LRBA: variants seen among roughly 807,000 people sequenced by gnomAD.
The protein encoded by LRBA is LPS responsive beige-like anchor protein.
LRBA carries 176 observed loss-of-function variants against 330.0 expected under a neutral mutation model. The ratio of observed to expected loss-of-function variants is 0.53; its 90% CI spans 0.47 to 0.60. The LOEUF (loss-of-function observed/expected upper bound fraction) is 0.60, where lower values mean the gene tolerates loss of function less well. LRBA is among the 20% of genes least tolerant of loss of function. The pLI, the probability that LRBA is intolerant of heterozygous loss-of-function variation, is 0.00. For synonymous variants in LRBA, 1,230 were observed against 1,193.0 expected (o/e 1.03, Z -0.64); for missense variants, 3,259 against 3,444.8 (o/e 0.95, Z 1.35).
intron 34 of LRBA, among the ~76,000 whole-genome samples, chr4:150,793,286 G>C (rs1335316417): frequency 6.6e-6 from 1 of 152,068 alleles, no homozygotes; most frequent in African/African-American, 2.4e-5. Context: ...CTGGGCAACA[G>C]AGCAAGACCC....
intron 40 of LRBA, among the ~76,000 whole-genome samples, chr4:150,526,485 G>T (rs1006962747): frequency 6.6e-6 from 1 of 152,036 alleles, no homozygotes; most frequent in Admixed American, 6.6e-5. Flanking sequence ...TTGATAAGGG[G>T]GATTGTGGGA....
At chr4:150,798,222 T>C in intron 33 of LRBA, 80 bp from the exon 34 acceptor site, 1 of 910,276 alleles carries the variant, frequency 1.1e-6, no homozygotes, top group Non-Finnish European at 1.8e-6. Context: ...AAACTGTTTC[T>C]TCAAATTATT....
At chr4:150,908,493 G>A in intron 10 of LRBA, 26 bp from the exon 11 acceptor site, 1 of 1,567,352 alleles carries the variant, frequency 6.4e-7, no homozygotes, top group Non-Finnish European at 8.6e-7. Flanking sequence ...ACACAGTAAA[G>A]AGTTCAATGA....
At chr4:150,849,636 A>G in intron 24 of LRBA, 61 bp from the exon 25 acceptor site, 1 of 1,354,460 alleles carries the variant, frequency 7.4e-7, no homozygotes, top group Non-Finnish European at 1.0e-6. Flanking sequence ...CAGTTTGCCT[A>G]CTTGAGGGGA....
intron 37 of LRBA, among the ~76,000 whole-genome samples, chr4:150,674,377 G>A (rs1220272178): frequency 6.6e-6 from 1 of 150,824 alleles, no homozygotes; most frequent in African/African-American, 2.4e-5. Flanking sequence ...CACAGTTGAA[G>A]TAGCAAACAG....
At position 150,588,163 on chromosome 4, in the gene LRBA, G is replaced by T. The variant is rs1260266902; in HGVS notation, c.6215C>A (p.Pro2072Gln). Residue 2072 changes from proline to glutamine, a missense_variant, in exon 40 of 57, where the codon CCA (proline) becomes CAA (glutamine). Coordinates refer to ENST00000651943, the MANE Select transcript of LRBA (RefSeq NM_001364905.1). ...AACAGAGGGGGCCACAAGCTGAGCTGGTGTGCTCAGGCTAACAGGACCTGC... is the reference window on the plus strand; with the variant it reads ...AACAGAGGGGGCCACAAGCTGAGCTTGTGTGCTCAGGCTAACAGGACCTGC... The part of the protein sequence containing the change: ...NLAGPVSLST[P>Q]AQLVAPSVVV... 5.6e-6 allele frequency: 9 copies of T among 1,607,388 alleles called. No homozygotes were observed.
At chr4:150,333,076 T>C (rs1219213156) in intron 48 of LRBA, among the ~76,000 whole-genome samples, 1 of 152,060 alleles carries the variant, frequency 6.6e-6, no homozygotes, top group African/African-American at 2.4e-5. Context: ...AAATAAGAGA[T>C]AAAAGTAAAG....
chr4:150,767,674 C>T (rs1402661399), intron 34 of LRBA, among the ~76,000 whole-genome samples: 2 of 149,844 alleles, frequency 1.3e-5, no homozygotes, highest in East Asian at 2.0e-4. Context: ...AGGAGAATGG[C>T]GTGAACCCGG....
chr4:150,391,539 G>C (rs959069310), intron 47 of LRBA, among the ~76,000 whole-genome samples: 3 of 152,098 alleles, frequency 2.0e-5, no homozygotes, highest in Non-Finnish European at 2.9e-5. Flanking sequence ...AAGATGACTG[G>C]AGAACATATT....
Position 150,264,992 on chromosome 4 carries a change from T to TACTTTAAAAG in LRBA, c.*729_*730insCTTTTAAAGT, listed in dbSNP as rs1553983852. On this transcript the variant is annotated 3_prime_UTR_variant, in exon 57 of 57. Transcript: ENST00000651943. ...TGAGCTTTGGTACTTGCATTTACTT[T>TACTTTAAAAG]AAAAGAAAAACAAATGTTGTGAGCT... is the stretch of plus-strand genomic sequence containing the variant. 2.0e-5 allele frequency: 3 copies of TACTTTAAAAG among 152,622 alleles called. No homozygotes were observed. The highest frequency in any genetic ancestry group is 4.4e-5 in the Non-Finnish European group (3 of 68,052). 9.5% of individuals were successfully genotyped at this position (152,622 alleles called of 1,614,324 possible).
At chr4:150,605,849 C>T (rs1357934512) in intron 37 of LRBA, among the ~76,000 whole-genome samples, 2 of 152,108 alleles carry the variant, frequency 1.3e-5, no homozygotes, top group Admixed American at 6.5e-5. Flanking sequence ...TCAAGGGCAG[C>T]TGATCTATGC....
At chr4:150,302,828 T>TA (rs1036570266) in intron 52 of LRBA, 36 bp from the exon 53 acceptor site, 3 of 1,482,038 alleles carry the variant, frequency 2.0e-6, no homozygotes, top group East Asian at 4.8e-5. Context: ...AAAATGCTAT[T>TA]AAAAAAATAA....
chr4:150,965,352 A>T (rs1738758815), intron 2 of LRBA, among the ~76,000 whole-genome samples: 1 of 152,234 alleles, frequency 6.6e-6, no homozygotes, highest in Admixed American at 6.5e-5. Flanking sequence ...AAAAATTATC[A>T]GCAAAGAAAA....
chr4:150,315,952 TCTG>T (rs1731665555), intron 50 of LRBA, among the ~76,000 whole-genome samples: 1 of 152,158 alleles, frequency 6.6e-6, no homozygotes, highest in Non-Finnish European at 1.5e-5. Context: ...GTGACAACCA[TCTG>T]CTGACTGTAG....
At chr4:150,658,119 G>A (rs1177521872) in intron 37 of LRBA, among the ~76,000 whole-genome samples, 1 of 151,958 alleles carries the variant, frequency 6.6e-6, no homozygotes, top group African/African-American at 2.4e-5. Context: ...ACTAACTACG[G>A]GACCCTGACG....
intron 37 of LRBA, among the ~76,000 whole-genome samples, chr4:150,615,738 C>G (rs1414920567): frequency 6.6e-6 from 1 of 152,096 alleles, no homozygotes; most frequent in Non-Finnish European, 1.5e-5. Context: ...AATCCCTTTT[C>G]ATCTTCTTCT....
At chr4:150,751,713 T>G (rs1372482695) in intron 35 of LRBA, among the ~76,000 whole-genome samples, 1 of 152,118 alleles carries the variant, frequency 6.6e-6, no homozygotes, top group Admixed American at 6.6e-5. Context: ...ACACCTACAG[T>G]GCAAGAAGGA....
chr4:150,535,219 G>C (rs949426429), intron 40 of LRBA, among the ~76,000 whole-genome samples: 1 of 150,468 alleles, frequency 6.6e-6, no homozygotes, highest in African/African-American at 2.5e-5. Flanking sequence ...CTGAAGCCTC[G>C]AACTCTGGGG....
intron 2 of LRBA, among the ~76,000 whole-genome samples, chr4:150,988,740 A>C (rs1741739472): frequency 6.6e-6 from 1 of 151,776 alleles, no homozygotes; most frequent in Admixed American, 6.6e-5. Flanking sequence ...CACCATGCCC[A>C]GCTAATTTTT....
Sources: allele counts gnomAD v4.1 joint callset (sites outside exome capture counted in the v4.1 genomes callset), GRCh38; gene constraint gnomAD v4.1.1; transcripts MANE v1.5; gene names NCBI Gene and HGNC (gene_info 2026-07-23, HGNC 2026-07-21).